HTRA1: variants seen among roughly 807,000 people sequenced by gnomAD.
HTRA1 encodes HtrA serine peptidase 1.
A neutral mutation model predicts 49.7 loss-of-function variants in HTRA1; 26 were observed. The ratio of observed to expected loss-of-function variants is 0.52; its 90% confidence interval spans 0.38 to 0.73. HTRA1 has a LOEUF of 0.73. Ranked by LOEUF, HTRA1 falls within the 30% of genes least tolerant of loss-of-function variation. The pLI is 0.00. For missense variants in HTRA1, 561 were observed against 667.2 expected (o/e 0.84, Z 1.75); for synonymous variants, 291 against 286.9 (o/e 1.01, Z -0.14).
At chr10:122,477,820 C>G (rs2097489321) in intron 1 of HTRA1, among the ~76,000 whole-genome samples, 1 of 152,220 alleles carries the variant, frequency 6.6e-6, no homozygotes, top group African/African-American at 2.4e-5. Context: ...ATGGGACATG[C>G]TATCCATTGG....
At chr10:122,507,686 C>T (rs564460412) in intron 5 of HTRA1, among the ~76,000 whole-genome samples, 15 of 152,144 alleles carry the variant, frequency 9.9e-5, no homozygotes, top group African/African-American at 2.6e-4. Context: ...AGGTAAACAC[C>T]GTGAAATTCA....
At chr10:122,505,452 GTC>G (rs2097502648) in intron 3 of HTRA1, among the ~76,000 whole-genome samples, 1 of 152,302 alleles carries the variant, frequency 6.6e-6, no homozygotes, top group East Asian at 1.9e-4. Flanking sequence ...GGATGAGAGA[GTC>G]TGTTTTTCCG....
chr10:122,470,143 C>T (rs561561589), intron 1 of HTRA1, among the ~76,000 whole-genome samples: 71 of 152,284 alleles, frequency 4.7e-4, no homozygotes, highest in African/African-American at 1.7e-3. Context: ...TTTCTGCCTA[C>T]TGATCTATCA....
chr10:122,504,652 C>T (rs1388451767), intron 3 of HTRA1, among the ~76,000 whole-genome samples: 1 of 152,186 alleles, frequency 6.6e-6, no homozygotes, highest in Non-Finnish European at 1.5e-5. Context: ...TGGCAGTGTC[C>T]CTGGTGGACC....
chr10:122,476,056 T>A (rs1364179248), intron 1 of HTRA1, among the ~76,000 whole-genome samples: 1 of 152,146 alleles, frequency 6.6e-6, no homozygotes, highest in East Asian at 1.9e-4. Context: ...AGGCAACCCC[T>A]CTTGCAGACA....
At chr10:122,462,406 C>G (rs2097481902) in intron 1 of HTRA1, among the ~76,000 whole-genome samples, 1 of 152,252 alleles carries the variant, frequency 6.6e-6, no homozygotes, top group Admixed American at 6.5e-5. Context: ...ATGGAGTGCC[C>G]TGAGGGCAAC....
chr10:122,481,427 C>T (rs1228107433), intron 1 of HTRA1, among the ~76,000 whole-genome samples: 2 of 152,230 alleles, frequency 1.3e-5, no homozygotes, highest in African/African-American at 2.4e-5. Flanking sequence ...GTGGCCCCAA[C>T]CAGCTGCAGC....
At chr10:122,496,235 T>TTTTTTTTTTG (rs2097498666) in intron 3 of HTRA1, among the ~76,000 whole-genome samples, 1 of 69,118 alleles carries the variant, frequency 1.4e-5, no homozygotes, top group Non-Finnish European at 2.8e-5. Context: ...GTTCTTTTTT[T>TTTTTTTTTTG]TTTTTTTTTT....
intron 3 of HTRA1, among the ~76,000 whole-genome samples, chr10:122,492,738 G>T (rs558086423): frequency 1.4e-4 from 21 of 152,188 alleles, no homozygotes; most frequent in Non-Finnish European, 2.4e-4. Context: ...GGCAGCAACA[G>T]CCGGCATTTC....
Position 122,512,012 on chromosome 10 carries a change from C to A in HTRA1, c.1221C>A (p.Asp407Glu). 2 of 1,613,976 alleles carry A rather than the reference C, an allele frequency of 1.2e-6. No individual in the cohort carries two copies. The highest frequency in any genetic ancestry group is 1.7e-6 in the Non-Finnish European group (2 of 1,179,942). The stretch of plus-strand genomic sequence containing the variant: ...AGGACCGGCACCGGGACTTCCCAGA[C>A]GTGATCTCAGGAGCGTATATAATTG... ...ELKDRHRDFP[D>E]VISGAYIIEV... The change falls in exon 8 of 9, where the codon GAC becomes GAA. Residue 407 changes from aspartate (D) to glutamate (E), a missense_variant. Asp to Glu is a conservative substitution (Grantham distance 45). Coordinates refer to ENST00000368984, the MANE Select transcript of HTRA1 (RefSeq NM_002775.5).
intron 1 of HTRA1, among the ~76,000 whole-genome samples, chr10:122,476,769 G>T (rs879899226): frequency 6.6e-6 from 1 of 152,036 alleles, no homozygotes. Context: ...GGATGGTTGC[G>T]CTTGCATCCA....
At position 122,507,305 on chromosome 10, in the gene HTRA1, C is replaced by A. The variant is rs1183529005; in HGVS notation, c.973-65C>A. 4 of 1,318,604 alleles carry A rather than the reference C, an allele frequency of 3.0e-6. No individual in the cohort carries two copies. In the African/African-American group the frequency reaches 4.3e-5, roughly 14 times the overall value. The allele number at this position is 1,318,604 out of a possible 1,614,324, so 81.7% of individuals were successfully genotyped here. A position where few individuals can be genotyped will look rare whatever the true frequency, so the allele number is the denominator to read the frequency against. On this transcript the variant is annotated intron_variant, in intron 4 of 8. Coordinates refer to ENST00000368984, the MANE Select transcript of HTRA1 (RefSeq NM_002775.5). Reference sequence around the variant, plus strand: ...GCACCGTGCTCAGGAAACGACCAGGCAGGGACATAGATTGAACCATGTTAT... The same window carrying A: ...GCACCGTGCTCAGGAAACGACCAGGAAGGGACATAGATTGAACCATGTTAT...
At chr10:122,497,828 T>C (rs938051245) in intron 3 of HTRA1, among the ~76,000 whole-genome samples, 3 of 152,222 alleles carry the variant, frequency 2.0e-5, no homozygotes, top group Non-Finnish European at 4.4e-5. Flanking sequence ...CACATGCTGT[T>C]GTAGCAGCAT....
chr10:122,514,148 G>C (rs1431402801), intron 8 of HTRA1, 43 bp from the exon 9 acceptor site: 2 of 1,598,082 alleles, frequency 1.3e-6, no homozygotes, highest in African/African-American at 2.7e-5. Context: ...CAGGAGGAAT[G>C]GAAACACGAA....
intron 1 of HTRA1, among the ~76,000 whole-genome samples, chr10:122,473,880 C>T (rs979661668): frequency 1.3e-5 from 2 of 152,124 alleles, no homozygotes; most frequent in African/African-American, 2.4e-5. Context: ...CAAGGTTGTC[C>T]ACATTGTAGC....
chr10:122,504,562 C>A (rs979849078), intron 3 of HTRA1, among the ~76,000 whole-genome samples: 1 of 152,184 alleles, frequency 6.6e-6, no homozygotes, highest in Non-Finnish European at 1.5e-5. Context: ...CCTGTGCCAC[C>A]CCATCCCTTT....
chr10:122,489,715 T>G (rs1230200277), intron 3 of HTRA1, 89 bp downstream of exon 3: 3 of 1,235,250 alleles, frequency 2.4e-6, no homozygotes, highest in African/African-American at 3.0e-5. Flanking sequence ...TTGCAGCTGA[T>G]TCTCGGGGGG....
chr10:122,512,608 C>T (rs1481140359), intron 8 of HTRA1, among the ~76,000 whole-genome samples: 1 of 152,236 alleles, frequency 6.6e-6, no homozygotes, highest in Non-Finnish European at 1.5e-5. Flanking sequence ...CAGGGACCAG[C>T]AAATGTGCCT....
intron 5 of HTRA1, among the ~76,000 whole-genome samples, chr10:122,508,449 G>C (rs953412773): frequency 6.6e-6 from 1 of 152,264 alleles, no homozygotes; most frequent in Non-Finnish European, 1.5e-5. Flanking sequence ...CCTGGAGTAT[G>C]TGCGATTCTT....
Sources: gnomAD v4.1 joint callset for allele counts (sites outside exome capture counted in the v4.1 genomes callset) on GRCh38, gnomAD v4.1.1 for gene constraint, MANE v1.5 for transcripts, NCBI Gene and HGNC (gene_info 2026-07-23, HGNC 2026-07-21) for gene names.